Variants in ANO3 observed in about 807,000 individuals in gnomAD.
ANO3 encodes anoctamin 3.
A neutral mutation model predicts 144.8 loss-of-function variants in ANO3; 99 were observed. The ratio of observed to expected loss-of-function variants is 0.68; its 90% CI spans 0.58 to 0.81. ANO3 has a LOEUF of 0.81. Ranked by LOEUF, ANO3 falls within the 30% of genes least tolerant of loss-of-function variation. The pLI is 0.00. For synonymous variants in ANO3, 414 were observed against 392.6 expected (o/e 1.05, Z -0.64); for missense variants, 905 against 1,202.2 (o/e 0.75, Z 3.66).
At chr11:26,334,929 A>C (rs1855154868) in intron 1 of ANO3, among the ~76,000 whole-genome samples, 1 of 152,194 alleles carries the variant, frequency 6.6e-6, no homozygotes, top group Non-Finnish European at 1.5e-5. Flanking sequence ...AAAAACAGAC[A>C]CACTCAATAT....
intron 1 of ANO3, among the ~76,000 whole-genome samples, chr11:26,217,050 A>G (rs929222751): frequency 6.6e-6 from 1 of 152,082 alleles, no homozygotes; most frequent in Non-Finnish European, 1.5e-5. Context: ...TTTTTCAACA[A>G]AGAATTTTTA....
rs1027130727 is a variant in ANO3 at position 26,295,367 on chromosome 11, A to T, written c.155-14278A>T. Among the ~76,000 whole-genome samples, 6 of 148,782 alleles carry T rather than the reference A, an allele frequency of 4.0e-5. No individual in the cohort carries two copies. In the East Asian group the frequency reaches 7.8e-4, roughly 19 times the overall value. On this transcript the variant is annotated intron_variant, in intron 1 of 27. Coordinates refer to the ANO3 transcript ENST00000672621. ...CCCCGTCTCTACTAAAAATAAAAAT[A>T]AAAAAAAATTAGCCGGGCTTAGTGG... is the stretch of plus-strand genomic sequence containing the variant.
At chr11:26,535,853 G>A (rs1849496290) in intron 9 of ANO3, among the ~76,000 whole-genome samples, 1 of 151,708 alleles carries the variant, frequency 6.6e-6, no homozygotes, top group African/African-American at 2.4e-5. Flanking sequence ...AAAGTGCTGG[G>A]ATTACAGGTG....
intron 1 of ANO3, among the ~76,000 whole-genome samples, chr11:26,266,144 T>C (rs987515283): frequency 1.3e-5 from 2 of 152,168 alleles, no homozygotes; most frequent in Non-Finnish European, 2.9e-5. Context: ...ATAAATTATC[T>C]AGGAGGATTT....
chr11:26,328,846 T>C (rs1374557564), upstream of ANO3, among the ~76,000 whole-genome samples: 4 of 152,136 alleles, frequency 2.6e-5, no homozygotes, highest in Non-Finnish European at 4.4e-5. Context: ...TGATAAAGTA[T>C]GAAAATGATA....
chr11:26,537,492 A>C, intron 10 of ANO3, 31 bp downstream of exon 10: 1 of 1,579,124 alleles, frequency 6.3e-7, no homozygotes, highest in Non-Finnish European at 8.7e-7. Flanking sequence ...CCGCTTTATA[A>C]ACAAGGTTTT....
rs566906233 is a variant in ANO3 at position 26,528,730 on chromosome 11, C to T, written c.738-2475C>T. On this transcript the variant is annotated intron_variant, in intron 7 of 26. Transcript: ENST00000256737. ...GACCAGCAAATTCAGCACTAGAACA[C>T]TCATGTTCCAACTCCTACCCCATTG... Among the ~76,000 whole-genome samples, 17 of 152,192 alleles carry T rather than the reference C, an allele frequency of 1.1e-4. No individual in the cohort carries two copies. The South Asian group carries it at 3.3e-3, about 30-fold the overall frequency.
chr11:26,204,235 T>G (rs1040198515), intron 1 of ANO3, among the ~76,000 whole-genome samples: 3 of 152,064 alleles, frequency 2.0e-5, no homozygotes, highest in African/African-American at 7.2e-5. Context: ...TTATAGAGTT[T>G]TATTTACCTT....
At chr11:26,223,051 T>A (rs1488349012) in intron 1 of ANO3, among the ~76,000 whole-genome samples, 1 of 152,176 alleles carries the variant, frequency 6.6e-6, no homozygotes. Context: ...CTTTTTTTTT[T>A]TCTTTCTATC....
intron 4 of ANO3, among the ~76,000 whole-genome samples, chr11:26,464,635 A>G (rs981187101): frequency 7.2e-5 from 11 of 151,872 alleles, no homozygotes; most frequent in African/African-American, 2.7e-4. Flanking sequence ...GTTTTAAAAA[A>G]GTTGGACCTG....
At chr11:26,316,007 G>A (rs1018808449) in intron 1 of ANO3, among the ~76,000 whole-genome samples, 2 of 152,082 alleles carry the variant, frequency 1.3e-5, no homozygotes, top group African/African-American at 4.8e-5. Flanking sequence ...TGGGGTTGAG[G>A]GTGAGAACAG....
intron 1 of ANO3, among the ~76,000 whole-genome samples, chr11:26,341,504 A>C (rs1277743550): frequency 6.6e-6 from 1 of 152,212 alleles, no homozygotes; most frequent in Non-Finnish European, 1.5e-5. Flanking sequence ...CATTTTTTAA[A>C]GTATTTTGCT....
chr11:26,552,624 G>T (rs948092815), intron 12 of ANO3, among the ~76,000 whole-genome samples: 5 of 152,010 alleles, frequency 3.3e-5, no homozygotes, highest in Admixed American at 1.3e-4. Context: ...TTTTCTTAAA[G>T]GCAGTGGACA....
At chr11:26,500,906 G>A (rs1861170532) in intron 4 of ANO3, among the ~76,000 whole-genome samples, 1 of 152,078 alleles carries the variant, frequency 6.6e-6, no homozygotes, top group African/African-American at 2.4e-5. Flanking sequence ...TACATACCAA[G>A]GGCTTTGGAT....
chr11:26,298,797 G>A, intron 1 of ANO3, among the ~76,000 whole-genome samples: 1 of 152,168 alleles, frequency 6.6e-6, no homozygotes, highest in East Asian at 1.9e-4. Context: ...CTTGAAAGTA[G>A]AATGAATGAG....
At chr11:26,399,806 G>T (rs986968943) in intron 1 of ANO3, among the ~76,000 whole-genome samples, 4 of 151,536 alleles carry the variant, frequency 2.6e-5, no homozygotes, top group African/African-American at 9.7e-5. Flanking sequence ...CTCTTACCAC[G>T]CTAGAAAGTA....
At chr11:26,586,602 A>G (rs1016883623) in intron 14 of ANO3, among the ~76,000 whole-genome samples, 3 of 144,752 alleles carry the variant, frequency 2.1e-5, no homozygotes, top group Non-Finnish European at 3.0e-5. Context: ...TCCCATGTTC[A>G]CGCCATTCTC....
In ANO3 at chr11:26,656,471, T is replaced by C; in HGVS notation, c.2753T>C (p.Ile918Thr). The change falls in exon 26 of 27, where the codon ATT (isoleucine) becomes ACT (threonine). Residue 918 changes from isoleucine to threonine, a missense_variant. Ile to Thr is a moderately conservative substitution (Grantham distance 89). Transcript: ENST00000256737. ...CTTGCTGCTAGATTGGCCTTCATTA[T>C]TGTGTTTGAGGTTAGTCACAAGCTG... Reference protein sequence around the residue: ...HILAARLAFIIVFEHLVFGIK... With the variant: ...HILAARLAFITVFEHLVFGIK... The C allele has an allele frequency of 6.2e-7, 1 of 1,601,938 alleles. No individual in the cohort carries two copies. Among genetic ancestry groups the C allele is most frequent in the Non-Finnish European group, 8.6e-7 (1 of 1,169,062 alleles).
intron 1 of ANO3, among the ~76,000 whole-genome samples, chr11:26,362,579 T>A (rs1283516689): frequency 6.6e-6 from 1 of 152,176 alleles, no homozygotes; most frequent in African/African-American, 2.4e-5. Context: ...TGATTTTCAA[T>A]ACATGAACAA....
Sources: gnomAD v4.1 joint callset for allele counts (sites outside exome capture counted in the v4.1 genomes callset) on GRCh38, gnomAD v4.1.1 for gene constraint, MANE v1.5 for transcripts, NCBI Gene and HGNC (gene_info 2026-07-23, HGNC 2026-07-21) for gene names.